The following CLEC4F variants were observed in gnomAD, a reference collection of about 807,000 sequenced individuals.
The protein encoded by CLEC4F is C-type (calcium dependent, carbohydrate-recognition domain) lectin, superfamily member 13.
CLEC4F carries 45 observed loss-of-function variants against 53.4 expected under a neutral mutation model. That is an observed-to-expected ratio of 0.84 (90% CI 0.66 to 1.08). CLEC4F has a LOEUF of 1.08. Among genes scored for constraint, CLEC4F ranks in the 50% least tolerant of loss-of-function variants. The probability of loss-of-function intolerance (pLI) is 0.00; values close to 1 mark genes in which losing one functional copy is unlikely to be tolerated. For synonymous variants in CLEC4F, 245 were observed against 257.5 expected, an observed-to-expected ratio of 0.95 and a Z score of 0.46; for missense variants, 753 against 698.2, an observed-to-expected ratio of 1.08 and a Z score of -0.88.
At chr2:70,822,007 C>T (rs1677237153), upstream of CLEC4F, among the ~76,000 whole-genome samples, 1 of 152,168 alleles carries the variant, frequency 6.6e-6, no homozygotes, top group African/African-American at 2.4e-5. Flanking sequence ...GATCCTCCCA[C>T]CTCAGCCTCC....
chr2:70,820,363 G>T, intron 1 of CLEC4F, 100 bp downstream of exon 1: 1 of 1,055,118 alleles, frequency 9.5e-7, no homozygotes, highest in Non-Finnish European at 1.4e-6. Flanking sequence ...AGGGTCTGGG[G>T]AGAGCAATAA....
upstream of CLEC4F, among the ~76,000 whole-genome samples, chr2:70,821,031 C>T (rs1677200464): frequency 6.6e-6 from 1 of 152,136 alleles, no homozygotes; most frequent in South Asian, 2.1e-4. Context: ...TGGGGACTCA[C>T]AACTGAATTA....
Position 70,816,565 on chromosome 2 carries a change from C to T in CLEC4F, c.816G>A (p.Gln272=), listed in dbSNP as rs1553396050. 6 of 1,613,940 alleles carry T rather than the reference C, an allele frequency of 3.7e-6. No individual in the cohort carries two copies. The highest frequency in any genetic ancestry group is 1.3e-5 in the African/African-American group (1 of 74,924). ...CTCCTTCCAAACTATTTCTTAAAACCTGGTTCTGGGTCCTCAAGTCATTGA... is the reference window on the plus strand; with the variant it reads ...CTCCTTCCAAACTATTTCTTAAAACTTGGTTCTGGGTCCTCAAGTCATTGA... ...DSVNDLRTQN[Q]VLRNSLEGAN... The change falls in exon 4 of 7, where the codon CAG becomes CAA. Residue 272 remains glutamine (Q), a synonymous_variant. Transcript: ENST00000272367.
At chr2:70,810,618 CA>C (rs58138583) in intron 5 of CLEC4F, among the ~76,000 whole-genome samples, 1,573 of 48,756 alleles carry the variant, frequency 0.032, 11 homozygotes, top group African/African-American at 0.091. Context: ...AACTCTGTCG[CA>C]AAAAAAAAAA....
rs1440896588 is a variant in CLEC4F, at chr2:70,808,991, T to C, written c.*280A>G. On this transcript the variant is annotated 3_prime_UTR_variant, in exon 7 of 7. Transcript: ENST00000272367. ...CACTGATAGGGGGTGTCACAGGTCA[T>C]GTCATTCCACTTCTGCTGAATTTGG... The C allele has an allele frequency of 1.6e-6, 2 of 1,273,842 alleles. No individual in the cohort carries two copies. Among genetic ancestry groups the C allele is most frequent in the African/African-American group, 1.5e-5 (1 of 67,600 alleles). The allele number at this position is 1,273,842 out of a possible 1,614,324, so 78.9% of individuals were successfully genotyped here. A position where few individuals can be genotyped will look rare whatever the true frequency, so the allele number is the denominator to read the frequency against.
intron 3 of CLEC4F, 149 bp downstream of exon 3, chr2:70,819,206 A>T (rs1483160968): frequency 3.1e-6 from 2 of 645,792 alleles, no homozygotes; most frequent in Non-Finnish European, 5.5e-6. Context: ...ACCTCAATAA[A>T]ACTGTGTTTT....
At chr2:70,823,379 C>G (rs572499094), upstream of CLEC4F, among the ~76,000 whole-genome samples, 53 of 152,202 alleles carry the variant, frequency 3.5e-4, 1 homozygote, top group African/African-American at 1.2e-3. Context: ...CCCTAGAGGC[C>G]CATCAGACAC....
chr2:70,824,638 A>AAAAAAAAAC (rs1677305431), upstream of CLEC4F, among the ~76,000 whole-genome samples: 1 of 150,144 alleles, frequency 6.7e-6, no homozygotes, highest in African/African-American at 2.4e-5. Context: ...AAAAAAAAAA[A>AAAAAAAAAC]AAAAAAAACT....
chr2:70,811,118 G>A (rs1232461976), intron 5 of CLEC4F: 23 of 684,364 alleles, frequency 3.4e-5, no homozygotes, highest in Non-Finnish European at 5.6e-5. Flanking sequence ...TCTATAGCAC[G>A]ACACTCTTTT....
chr2:70,818,995 C>T (rs1677076048), intron 3 of CLEC4F, among the ~76,000 whole-genome samples: 1 of 151,934 alleles, frequency 6.6e-6, no homozygotes, highest in Admixed American at 6.6e-5. Context: ...AAAAAGCAAA[C>T]TAATCTATAG....
intron 5 of CLEC4F, 26 bp downstream of exon 5, chr2:70,812,421 C>CA: frequency 1.2e-6 from 2 of 1,611,458 alleles, no homozygotes; most frequent in Non-Finnish European, 1.7e-6. Context: ...ATTCCACCAA[C>CA]AACACCCCAT....
In CLEC4F at chr2:70,820,449, C is replaced by A. The variant is rs782699358; in HGVS notation, c.61+14G>T. 16 of 1,575,054 alleles carry A rather than the reference C, an allele frequency of 1.0e-5. No individual in the cohort carries two copies. In the East Asian group the frequency reaches 3.7e-4, roughly 36 times the overall value. ...TCCCTCACTGGGCAAGAGCTGGGGC[C>A]CCAGTTTTCTCACCTTGGGGGTGCA... On this transcript the variant is annotated intron_variant, in intron 1 of 6. Transcript: ENST00000272367.
intron 4 of CLEC4F, among the ~76,000 whole-genome samples, chr2:70,814,087 A>G (rs1676763021): frequency 6.6e-6 from 1 of 152,252 alleles, no homozygotes; most frequent in Admixed American, 6.5e-5. Flanking sequence ...GGTCAGGAAC[A>G]GCCGGGCACA....
chr2:70,811,044 G>T, intron 5 of CLEC4F: 1 of 645,480 alleles, frequency 1.5e-6, no homozygotes, highest in South Asian at 1.4e-5. Context: ...TGCTAACCCT[G>T]CTGGGAAAAT....
chr2:70,808,874 G>C lies in CLEC4F; in HGVS notation c.*397C>G. The C allele has an allele frequency of 1.7e-6, 1 of 587,870 alleles. No individual in the cohort carries two copies. Among genetic ancestry groups the C allele is most frequent in the Non-Finnish European group, 3.0e-6 (1 of 330,278 alleles). The allele number at this position is 587,870 out of a possible 1,614,324, so 36.4% of individuals were successfully genotyped here. A position where few individuals can be genotyped will look rare whatever the true frequency, so the allele number is the denominator to read the frequency against. Reference sequence around the variant, plus strand: ...AGAGCTCAGAGGCTCCGAAGGCATCGAGGAGGAGGGTCAGTATTGGCAAGC... The same window carrying C: ...AGAGCTCAGAGGCTCCGAAGGCATCCAGGAGGAGGGTCAGTATTGGCAAGC... On this transcript the variant is annotated 3_prime_UTR_variant, in exon 7 of 7. Coordinates refer to ENST00000272367, the MANE Select transcript of CLEC4F (RefSeq NM_173535.3).
chr2:70,812,953 C>T (rs1354776517), intron 4 of CLEC4F, among the ~76,000 whole-genome samples: 1 of 152,220 alleles, frequency 6.6e-6, no homozygotes, highest in East Asian at 1.9e-4. Flanking sequence ...TTACAGGTAT[C>T]CCATAGCCTT....
In CLEC4F at chr2:70,809,372, T is replaced by C; in HGVS notation, c.1669A>G (p.Lys557Glu). The C allele has an allele frequency of 6.2e-7, 1 of 1,610,404 alleles. No individual in the cohort carries two copies. The change falls in exon 7 of 7, where the codon AAG becomes GAG. Residue 557 changes from lysine to glutamate, a missense_variant. Transcript: ENST00000272367. The stretch of plus-strand genomic sequence containing the variant: ...TACTTTCTGAGTGGGCAGGATCCCT[T>C]GGAACCAGGCCTGAGTAGGGCAGGG... ...NAAQNKAPGS[K>E]GSCPLRKYII...
chr2:70,821,017 C>A (rs1165508658), upstream of CLEC4F, among the ~76,000 whole-genome samples: 2 of 152,112 alleles, frequency 1.3e-5, no homozygotes, highest in African/African-American at 4.8e-5. Flanking sequence ...GGTGACCAGC[C>A]ACTTGGGGAC....
chr2:70,816,285 T>C lies in CLEC4F; in HGVS notation c.1096A>G (p.Met366Val), dbSNP rs1346792062. ...DTQIQVFKSEMENVNTLNAQI... is the reference protein window; with the variant it reads ...DTQIQVFKSEVENVNTLNAQI... ...GCATTTAAGGTATTCACATTTTCCA[T>C]CTCTGACTTGAATACCTGAATCTGA... Residue 366 changes from methionine (M) to valine (V), a missense_variant, in exon 4 of 7, where the codon ATG (methionine) becomes GTG (valine). Physicochemically the swap from Met to Val is conservative, Grantham distance 21. Transcript: ENST00000272367. 7 of 1,614,234 alleles carry C rather than the reference T, an allele frequency of 4.3e-6. No individual in the cohort carries two copies. The highest frequency in any genetic ancestry group is 1.7e-5 in the Admixed American group (1 of 60,024).
Sources: gnomAD v4.1 joint callset for allele counts (sites outside exome capture counted in the v4.1 genomes callset) on GRCh38, gnomAD v4.1.1 for gene constraint, MANE v1.5 for transcripts, NCBI Gene and HGNC (gene_info 2026-07-23, HGNC 2026-07-21) for gene names.